TAS2R1: variants seen among roughly 807,000 people sequenced by gnomAD.
TAS2R1 encodes taste receptor type 2 member 1.
For synonymous variants in TAS2R1, 141 were observed against 134.2 expected, an observed-to-expected ratio of 1.05 and a Z score of -0.35; for missense variants, 370 against 353.4, an observed-to-expected ratio of 1.05 and a Z score of -0.38.
the TAS2R1 span, among the ~76,000 whole-genome samples, chr5:9,890,604 A>G: frequency 7.2e-5 from 11 of 152,256 alleles, no homozygotes; most frequent in Admixed American, 5.2e-4. Flanking sequence ...TTGTTCTCTT[A>G]AAAGGGACAT....
chr5:9,729,605 G>A, the TAS2R1 span, among the ~76,000 whole-genome samples: 1 of 152,000 alleles, frequency 6.6e-6, no homozygotes, highest in Non-Finnish European at 1.5e-5. Context: ...AAGTTTTAGG[G>A]TACATGTGCA....
At chr5:9,704,115 T>G (rs1168217142) in intron 1 of TAS2R1, among the ~76,000 whole-genome samples, 1 of 152,154 alleles carries the variant, frequency 6.6e-6, no homozygotes, top group Non-Finnish European at 1.5e-5. Flanking sequence ...GTGAATAAAT[T>G]CAGGGACAAG....
At chr5:9,873,944 G>A in the TAS2R1 span, among the ~76,000 whole-genome samples, 1 of 148,112 alleles carries the variant, frequency 6.8e-6, no homozygotes, top group Non-Finnish European at 1.5e-5. Flanking sequence ...TAGGGGAGGG[G>A]GAGACAGAAA....
At chr5:9,765,865 C>G in the TAS2R1 span, among the ~76,000 whole-genome samples, 1 of 152,200 alleles carries the variant, frequency 6.6e-6, no homozygotes, top group East Asian at 1.9e-4. Context: ...AGGACATAGA[C>G]TAGATTACCC....
chr5:9,862,724 C>T, the TAS2R1 span, among the ~76,000 whole-genome samples: 2 of 152,130 alleles, frequency 1.3e-5, no homozygotes, highest in African/African-American at 4.8e-5. Context: ...AAGCCATCCT[C>T]CCAGCTCAGC....
At chr5:9,818,919 C>T in the TAS2R1 span, among the ~76,000 whole-genome samples, 1 of 152,184 alleles carries the variant, frequency 6.6e-6, no homozygotes, top group Non-Finnish European at 1.5e-5. Flanking sequence ...CATTCAAGGG[C>T]TCTCAGCTCA....
the TAS2R1 span, among the ~76,000 whole-genome samples, chr5:9,900,023 C>A: frequency 1.3e-5 from 2 of 152,152 alleles, no homozygotes; most frequent in Admixed American, 1.3e-4. Flanking sequence ...CCCAAAAGTG[C>A]ATTCGCTTGG....
the TAS2R1 span, among the ~76,000 whole-genome samples, chr5:9,771,249 G>GT: frequency 2.6e-5 from 4 of 152,014 alleles, no homozygotes; most frequent in Non-Finnish European, 5.9e-5. Flanking sequence ...TTTTGGCAAA[G>GT]TTTTTTCAGC....
intron 1 of TAS2R1, among the ~76,000 whole-genome samples, chr5:9,682,916 T>TA (rs1258276119): frequency 6.6e-6 from 1 of 152,194 alleles, no homozygotes; most frequent in African/African-American, 2.4e-5. Flanking sequence ...ACTAGAAAAT[T>TA]ACATAATATG....
intron 2 of TAS2R1, among the ~76,000 whole-genome samples, chr5:9,642,294 A>G (rs967498800): frequency 3.3e-5 from 5 of 152,282 alleles, no homozygotes; most frequent in Middle Eastern, 3.4e-3. Context: ...CTCACACTTC[A>G]TTATCAAGGG....
chr5:9,686,345 T>C (rs1289971900), intron 1 of TAS2R1, among the ~76,000 whole-genome samples: 1 of 150,172 alleles, frequency 6.7e-6, no homozygotes, highest in Non-Finnish European at 1.5e-5. Context: ...TTATTATCAC[T>C]GAGGAAGAAA....
chr5:9,766,566 C>A, the TAS2R1 span, among the ~76,000 whole-genome samples: 1 of 152,228 alleles, frequency 6.6e-6, no homozygotes, highest in Non-Finnish European at 1.5e-5. Flanking sequence ...AGTCTCATAA[C>A]CCCTTATAAG....
the TAS2R1 span, among the ~76,000 whole-genome samples, chr5:9,882,844 G>A: frequency 1.3e-5 from 2 of 151,982 alleles, no homozygotes; most frequent in African/African-American, 4.8e-5. Context: ...AGGAATATAG[G>A]AATATAAACC....
At chr5:9,831,497 A>G in the TAS2R1 span, among the ~76,000 whole-genome samples, 1 of 152,242 alleles carries the variant, frequency 6.6e-6, no homozygotes, top group Non-Finnish European at 1.5e-5. Flanking sequence ...ATTTTTAACT[A>G]GAGAAAACTG....
At chr5:9,699,487 G>A (rs41486) in intron 1 of TAS2R1, among the ~76,000 whole-genome samples, 66,197 of 151,956 alleles carry the variant, frequency 0.44, 14,810 homozygotes, top group Admixed American at 0.52. Flanking sequence ...CCACTACCAA[G>A]TCACAGAGAT....
At chr5:9,853,871 C>T in the TAS2R1 span, among the ~76,000 whole-genome samples, 2 of 152,164 alleles carry the variant, frequency 1.3e-5, no homozygotes, top group Non-Finnish European at 2.9e-5. Flanking sequence ...CTGAGAAGTG[C>T]TGCACTTCTA....
At chr5:9,809,903 C>T in the TAS2R1 span, among the ~76,000 whole-genome samples, 3 of 152,256 alleles carry the variant, frequency 2.0e-5, no homozygotes, top group Middle Eastern at 3.4e-3. Flanking sequence ...TGGATGATGC[C>T]AACTATCTGA....
chr5:9,630,568 A>G (rs755551250), upstream of TAS2R1, among the ~76,000 whole-genome samples: 1 of 152,232 alleles, frequency 6.6e-6, no homozygotes, highest in Admixed American at 6.5e-5. Flanking sequence ...GCAATTCAAA[A>G]CTATCTGTAA....
the TAS2R1 span, among the ~76,000 whole-genome samples, chr5:9,868,118 T>C: frequency 6.6e-6 from 1 of 152,174 alleles, no homozygotes; most frequent in Non-Finnish European, 1.5e-5. Context: ...TCCAGGTGCA[T>C]GGTGCAAGCT....
Sources: allele counts gnomAD v4.1 joint callset (sites outside exome capture counted in the v4.1 genomes callset), GRCh38; gene constraint gnomAD v4.1.1; transcripts MANE v1.5; gene names NCBI Gene and HGNC (gene_info 2026-07-23, HGNC 2026-07-21).